The following LRFN5 variants were observed in gnomAD, a reference collection of about 807,000 sequenced individuals.
The protein encoded by LRFN5 is leucine rich repeat and fibronectin type III domain containing 5.
LRFN5 carries 24 observed loss-of-function variants against 45.6 expected under a neutral mutation model. That is an observed-to-expected ratio of 0.53 (90% CI 0.38 to 0.74). The LOEUF (loss-of-function observed/expected upper bound fraction) is 0.74. Among genes scored for constraint, LRFN5 ranks in the 30% least tolerant of loss-of-function variants. LRFN5 has a pLI of 0.00. For synonymous variants in LRFN5, 340 were observed against 313.8 expected, an observed-to-expected ratio of 1.08 and a Z score of -0.88; for missense variants, 776 against 861.5, an observed-to-expected ratio of 0.90 and a Z score of 1.24.
In LRFN5 at chr14:41,871,646, A is replaced by G. The variant is rs189873635; in HGVS notation, c.-20-14960A>G. On this transcript the variant is annotated intron_variant, in intron 2 of 5. Coordinates refer to ENST00000298119, the MANE Select transcript of LRFN5 (RefSeq NM_152447.5). ...ATGCTGTCAAGAAATTTCAAATAGC[A>G]CATACTTATTGTTTGCAAAGCAGCC... 4.2e-3 allele frequency among the ~76,000 whole-genome samples: 644 copies of G among 152,166 alleles called. 3 individuals carry two copies. The highest frequency in any genetic ancestry group is 0.015 in the African/African-American group (620 of 41,524).
intron 2 of LRFN5, among the ~76,000 whole-genome samples, chr14:41,862,275 A>G (rs1301537735): frequency 6.6e-6 from 1 of 152,144 alleles, no homozygotes; most frequent in Non-Finnish European, 1.5e-5. Flanking sequence ...AAAACCCACT[A>G]TCTTGAGTTC....
intron 1 of LRFN5, among the ~76,000 whole-genome samples, chr14:41,687,240 T>G (rs1222727695): frequency 1.3e-5 from 2 of 152,126 alleles, no homozygotes; most frequent in Non-Finnish European, 2.9e-5. Flanking sequence ...GAATAAAAGC[T>G]CAACATCACT....
At chr14:41,625,368 C>T (rs1406642355) in intron 1 of LRFN5, among the ~76,000 whole-genome samples, 1 of 152,138 alleles carries the variant, frequency 6.6e-6, no homozygotes, top group Non-Finnish European at 1.5e-5. Context: ...GCAGCTTCCT[C>T]CTGTGCTGGG....
chr14:41,853,807 G>A (rs1226220600), intron 2 of LRFN5, among the ~76,000 whole-genome samples: 1 of 152,070 alleles, frequency 6.6e-6, no homozygotes, highest in Non-Finnish European at 1.5e-5. Context: ...GGATTCTAGT[G>A]GTATAGCAAT....
At chr14:41,845,688 G>T (rs547092389) in intron 2 of LRFN5, among the ~76,000 whole-genome samples, 1 of 152,046 alleles carries the variant, frequency 6.6e-6, no homozygotes, top group Non-Finnish European at 1.5e-5. Flanking sequence ...AGATTATTAG[G>T]TGCAACTAGC....
intron 1 of LRFN5, among the ~76,000 whole-genome samples, chr14:41,639,774 A>ATT: frequency 6.6e-6 from 1 of 151,926 alleles, no homozygotes; most frequent in East Asian, 1.9e-4. Context: ...ATTAATTTTA[A>ATT]TTAACTAGTT....
chr14:41,886,340 G>A (rs755178200), intron 2 of LRFN5, among the ~76,000 whole-genome samples: 3 of 151,992 alleles, frequency 2.0e-5, no homozygotes, highest in Non-Finnish European at 4.4e-5. Flanking sequence ...CTTAAAAAAT[G>A]GCGCTTAATT....
chr14:41,880,342 T>C (rs1454077854), intron 2 of LRFN5, among the ~76,000 whole-genome samples: 2 of 152,220 alleles, frequency 1.3e-5, no homozygotes, highest in East Asian at 1.9e-4. Context: ...CTATTTACTC[T>C]CTTTTGTATT....
At chr14:41,631,049 A>T (rs374450252) in intron 1 of LRFN5, among the ~76,000 whole-genome samples, 1 of 152,092 alleles carries the variant, frequency 6.6e-6, no homozygotes, top group African/African-American at 2.4e-5. Flanking sequence ...TCTTCGTAAA[A>T]TGCTTCAGTC....
chr14:41,649,858 C>A (rs1476380336), intron 1 of LRFN5, among the ~76,000 whole-genome samples: 1 of 152,120 alleles, frequency 6.6e-6, no homozygotes, highest in Non-Finnish European at 1.5e-5. Flanking sequence ...AACCACTCTC[C>A]CCCATTGCAA....
intron 2 of LRFN5, among the ~76,000 whole-genome samples, chr14:41,775,460 A>G (rs571594686): frequency 8.4e-4 from 128 of 152,298 alleles, no homozygotes; most frequent in African/African-American, 3.0e-3. Context: ...TAAATCCATA[A>G]TAAGAATCTG....
At chr14:41,779,952 G>A (rs1267971097) in intron 2 of LRFN5, among the ~76,000 whole-genome samples, 3 of 151,506 alleles carry the variant, frequency 2.0e-5, no homozygotes, top group Non-Finnish European at 3.0e-5. Context: ...ATTATTTTCT[G>A]CTTTAATTAC....
chr14:41,772,718 A>G (rs116802547), intron 2 of LRFN5, among the ~76,000 whole-genome samples: 23 of 152,246 alleles, frequency 1.5e-4, no homozygotes, highest in African/African-American at 5.3e-4. Context: ...CCTCTTGATT[A>G]TCTTGCCACA....
rs373913705 is a variant in LRFN5, at chr14:41,891,819, G to A, written c.1955G>A (p.Ser652Asn). ...KQKRKTGTKPSTEPQNEAVTN... is the reference protein window; with the variant it reads ...KQKRKTGTKPNTEPQNEAVTN... ...AAAAGAAAGACTGGCACAAAGCCAA[G>A]TACAGAACCACAGAATGAAGCCGTC... The change falls in exon 4 of 6, where the codon AGT (serine) becomes AAT (asparagine). Residue 652 changes from serine to asparagine, a missense_variant. Coordinates refer to ENST00000298119, the MANE Select transcript of LRFN5 (RefSeq NM_152447.5). The A allele has an allele frequency of 5.0e-6, 8 of 1,614,018 alleles. No individual in the cohort carries two copies. In the African/African-American group the frequency reaches 5.3e-5, roughly 11 times the overall value.
At position 41,862,038 on chromosome 14, in the gene LRFN5, G is replaced by A. The variant is rs776275297; in HGVS notation, c.-20-24568G>A. On this transcript the variant is annotated intron_variant, in intron 2 of 5. Transcript: ENST00000298119. ...TAAAAATATTTGGCAGTACCCCTCC[G>A]CCTACTTCACTCACCTTCTCTCTCC... Among the ~76,000 whole-genome samples the A allele has an allele frequency of 5.3e-5, 8 of 152,100 alleles. No homozygotes were observed. The East Asian group carries it at 7.7e-4, about 15-fold the overall frequency.
At chr14:41,874,821 G>A (rs538851850) in intron 2 of LRFN5, among the ~76,000 whole-genome samples, 27 of 152,294 alleles carry the variant, frequency 1.8e-4, no homozygotes, top group Admixed American at 2.6e-4. Flanking sequence ...AGGCCTCAGG[G>A]AACTTACAAT....
chr14:41,688,176 T>C (rs901867193), intron 1 of LRFN5, among the ~76,000 whole-genome samples: 1 of 152,150 alleles, frequency 6.6e-6, no homozygotes, highest in African/African-American at 2.4e-5. Context: ...GAAAGGTAGT[T>C]GGTGGGTGGG....
At chr14:41,890,722 A>T (rs66530880) in intron 3 of LRFN5, among the ~76,000 whole-genome samples, 7,868 of 150,120 alleles carry the variant, frequency 0.052, 445 homozygotes, top group African/African-American at 0.14. Context: ...AAAAAAAAAA[A>T]ACTTTAATCT....
intron 1 of LRFN5, among the ~76,000 whole-genome samples, chr14:41,613,792 A>C (rs1887841725): frequency 6.6e-6 from 1 of 152,048 alleles, no homozygotes; most frequent in African/African-American, 2.4e-5. Flanking sequence ...TGTAATCAGG[A>C]ATGGAAGCCT....
Sources: allele counts gnomAD v4.1 joint callset (sites outside exome capture counted in the v4.1 genomes callset), GRCh38; gene constraint gnomAD v4.1.1; transcripts MANE v1.5; gene names NCBI Gene and HGNC (gene_info 2026-07-23, HGNC 2026-07-21).